The following SLC24A3 variants were observed in gnomAD, a reference collection of about 807,000 sequenced individuals.
SLC24A3 encodes sodium/potassium/calcium exchanger 3.
SLC24A3 carries 28 observed loss-of-function variants against 75.8 expected under a neutral mutation model. The observed-to-expected ratio is 0.37, with a 90% confidence interval of 0.27 to 0.51. The LOEUF is 0.51. Ranked by LOEUF, SLC24A3 falls within the 20% of genes least tolerant of loss-of-function variation. SLC24A3 has a pLI of 0.94. For missense variants in SLC24A3, 663 were observed against 847.8 expected (o/e 0.78, Z 2.71); for synonymous variants, 372 against 334.1 (o/e 1.11, Z -1.24).
chr20:19,378,289 T>TA (rs921230331), intron 2 of SLC24A3, among the ~76,000 whole-genome samples: 55 of 148,272 alleles, frequency 3.7e-4, no homozygotes, highest in East Asian at 1.8e-3. Context: ...GAGGTTTTTT[T>TA]AAAAAAAAAA....
intron 2 of SLC24A3, among the ~76,000 whole-genome samples, chr20:19,384,763 T>C (rs1986244012): frequency 6.6e-6 from 1 of 152,234 alleles, no homozygotes. Flanking sequence ...TCATACTCTT[T>C]TCCATAATGG....
chr20:19,589,782 C>T (rs1001493717), intron 6 of SLC24A3, among the ~76,000 whole-genome samples: 5 of 151,908 alleles, frequency 3.3e-5, no homozygotes, highest in South Asian at 2.1e-4. Flanking sequence ...GGAAATACAC[C>T]CACTGAGTTT....
At chr20:19,302,342 C>A (rs918816365) in intron 2 of SLC24A3, among the ~76,000 whole-genome samples, 1 of 152,116 alleles carries the variant, frequency 6.6e-6, no homozygotes, top group Non-Finnish European at 1.5e-5. Context: ...AATTAATGAA[C>A]AATTGATTGA....
chr20:19,575,113 G>C (rs559642941), intron 3 of SLC24A3, among the ~76,000 whole-genome samples: 1 of 151,958 alleles, frequency 6.6e-6, no homozygotes, highest in African/African-American at 2.4e-5. Flanking sequence ...AATGAAGGGC[G>C]TGGTGGCACA....
At chr20:19,422,818 C>G (rs555976015) in intron 2 of SLC24A3, among the ~76,000 whole-genome samples, 4 of 152,278 alleles carry the variant, frequency 2.6e-5, no homozygotes, top group Admixed American at 2.6e-4. Flanking sequence ...TTACAAAACC[C>G]CACCCAGTGA....
chr20:19,473,142 C>T (rs1474443750), intron 2 of SLC24A3, among the ~76,000 whole-genome samples: 1 of 152,210 alleles, frequency 6.6e-6, no homozygotes, highest in Non-Finnish European at 1.5e-5. Context: ...ACTTTCAAAG[C>T]CAAAGATCTT....
chr20:19,376,924 A>G (rs932308779), intron 2 of SLC24A3, among the ~76,000 whole-genome samples: 4 of 152,236 alleles, frequency 2.6e-5, no homozygotes, highest in Admixed American at 2.0e-4. Context: ...TGCCAGGTGC[A>G]GGCATTGAAA....
intron 2 of SLC24A3, among the ~76,000 whole-genome samples, chr20:19,313,617 T>C (rs1373454127): frequency 6.6e-6 from 1 of 152,224 alleles, no homozygotes; most frequent in East Asian, 1.9e-4. Flanking sequence ...GCTAGGTCTT[T>C]CTTTTCTTAG....
intron 15 of SLC24A3, among the ~76,000 whole-genome samples, chr20:19,702,687 G>C (rs1028962213): frequency 3.3e-5 from 5 of 152,024 alleles, no homozygotes; most frequent in African/African-American, 9.7e-5. Context: ...TCTTTTGAAA[G>C]TAGAAAATCA....
intron 2 of SLC24A3, among the ~76,000 whole-genome samples, chr20:19,515,022 G>T (rs1378951511): frequency 1.3e-5 from 2 of 152,218 alleles, no homozygotes; most frequent in Non-Finnish European, 2.9e-5. Context: ...GAAGCCTACA[G>T]CCCCCGCTCA....
intron 4 of SLC24A3, among the ~76,000 whole-genome samples, chr20:19,583,624 C>T (rs1236822430): frequency 1.3e-5 from 2 of 152,126 alleles, no homozygotes; most frequent in Non-Finnish European, 2.9e-5. Context: ...GACATGAACC[C>T]AAGGTTTGGA....
chr20:19,670,950 C>T (rs562120609), intron 8 of SLC24A3, among the ~76,000 whole-genome samples: 3 of 152,074 alleles, frequency 2.0e-5, no homozygotes, highest in Non-Finnish European at 2.9e-5. Flanking sequence ...CACCAGATAC[C>T]AGGGAAGGTG....
intron 2 of SLC24A3, among the ~76,000 whole-genome samples, chr20:19,465,652 C>T (rs2062804820): frequency 6.6e-6 from 1 of 152,180 alleles, no homozygotes; most frequent in South Asian, 2.1e-4. Flanking sequence ...CCAACTGTGG[C>T]CTCCTCTTAG....
chr20:19,223,937 C>A (rs994650236), intron 1 of SLC24A3, among the ~76,000 whole-genome samples: 3 of 152,204 alleles, frequency 2.0e-5, no homozygotes, highest in Admixed American at 2.0e-4. Context: ...CGGGACAGAG[C>A]ATGACAACTT....
At chr20:19,520,186 C>T (rs1373090697) in intron 3 of SLC24A3, among the ~76,000 whole-genome samples, 1 of 152,170 alleles carries the variant, frequency 6.6e-6, no homozygotes, top group African/African-American at 2.4e-5. Context: ...CTAATTAGTC[C>T]AGCAACCCAG....
At chr20:19,422,072 G>C (rs1986927117) in intron 2 of SLC24A3, among the ~76,000 whole-genome samples, 1 of 152,086 alleles carries the variant, frequency 6.6e-6, no homozygotes, top group South Asian at 2.1e-4. Context: ...GGTCACTCCT[G>C]GGGTGCTGAC....
Position 19,693,366 on chromosome 20 carries a change from G to T in SLC24A3, c.1432G>T (p.Val478Leu), listed in dbSNP as rs764583663. The T allele has an allele frequency of 1.9e-6, 3 of 1,614,050 alleles. No individual in the cohort carries two copies. The South Asian group carries it at 3.3e-5, about 18-fold the overall frequency. ...NKPRWEKWFM[V>L]TFASSTLWIA... ...GCCGCGCTGGGAGAAATGGTTCATG[G>T]TGACGTTTGCTTCCTCCACGCTGTG... is the stretch of plus-strand genomic sequence containing the variant. The change falls in exon 13 of 17, where the codon GTG (valine) becomes TTG (leucine). Residue 478 changes from valine to leucine, a missense_variant. By Grantham distance (32) the Val-to-Leu change is conservative. Around this residue, in one of 2 missense-constraint regions of SLC24A3, gnomAD observed 510 missense variants for 703.6 expected, o/e 0.72. Coordinates refer to ENST00000328041, the MANE Select transcript of SLC24A3 (RefSeq NM_020689.4).
chr20:19,581,566 T>C (rs569779772), intron 4 of SLC24A3, among the ~76,000 whole-genome samples: 27 of 152,188 alleles, frequency 1.8e-4, no homozygotes, highest in African/African-American at 6.5e-4. Context: ...AAAGAAAATG[T>C]TTAAGGAGGG....
intron 3 of SLC24A3, among the ~76,000 whole-genome samples, chr20:19,550,625 T>C (rs2030677443): frequency 6.6e-6 from 1 of 152,232 alleles, no homozygotes; most frequent in Non-Finnish European, 1.5e-5. Context: ...CCTAGTGTCA[T>C]AATGAAACTA....
Sources: allele counts gnomAD v4.1 joint callset (sites outside exome capture counted in the v4.1 genomes callset), GRCh38; gene constraint gnomAD v4.1.1; regional missense constraint gnomAD v4.1.1; transcripts MANE v1.5; gene names NCBI Gene and HGNC (gene_info 2026-07-23, HGNC 2026-07-21).